Variants in LMCD1 observed in about 807,000 individuals in gnomAD.
LMCD1 encodes LIM and cysteine-rich domains protein 1.
LMCD1 carries 32 observed loss-of-function variants against 42.7 expected under a neutral mutation model. That is an observed-to-expected ratio of 0.75 (90% confidence interval 0.57 to 1.01). The LOEUF (loss-of-function observed/expected upper bound fraction) is 1.01. LMCD1 is among the 50% of genes least tolerant of loss of function. The pLI is 0.00. For missense variants in LMCD1, 458 were observed against 483.1 expected (o/e 0.95, Z 0.49); for synonymous variants, 178 against 184.9 (o/e 0.96, Z 0.30).
intron 1 of LMCD1, among the ~76,000 whole-genome samples, chr3:8,531,699 A>G (rs949766683): frequency 6.6e-6 from 1 of 152,138 alleles, no homozygotes; most frequent in Non-Finnish European, 1.5e-5. Flanking sequence ...TTCTCTCCAT[A>G]TCCCCCTAGC....
intron 4 of LMCD1, among the ~76,000 whole-genome samples, chr3:8,554,370 G>T (rs1694894471): frequency 6.6e-6 from 1 of 152,182 alleles, no homozygotes; most frequent in Non-Finnish European, 1.5e-5. Flanking sequence ...GCCTCGGCAG[G>T]GTGGGTCCGA....
chr3:8,550,948 A>T, intron 4 of LMCD1: 2 of 985,420 alleles, frequency 2.0e-6, no homozygotes, highest in African/African-American at 1.7e-5. Flanking sequence ...AAGGCAGCCC[A>T]AGAACCCGGG....
chr3:8,540,763 GTGTATCTCATGAAC>G (rs1193546820), intron 3 of LMCD1, among the ~76,000 whole-genome samples: 1 of 152,248 alleles, frequency 6.6e-6, no homozygotes, highest in Non-Finnish European at 1.5e-5. Context: ...GCATTTGTAT[GTGTATCTCATGAAC>G]ACCTCACCGC....
At chr3:8,549,992 A>G (rs910224571) in intron 4 of LMCD1, 44 of 1,477,190 alleles carry the variant, frequency 3.0e-5, no homozygotes, top group Non-Finnish European at 3.2e-5. Context: ...ACCTCTCAAT[A>G]CTGCCATGCA....
intron 1 of LMCD1, among the ~76,000 whole-genome samples, chr3:8,520,393 A>C (rs1385225785): frequency 6.6e-6 from 1 of 152,180 alleles, no homozygotes; most frequent in Admixed American, 6.5e-5. Flanking sequence ...AAGGGCAGAA[A>C]CCTAAGAACC....
At chr3:8,508,459 C>G (rs1347745304) in intron 1 of LMCD1, among the ~76,000 whole-genome samples, 5 of 152,198 alleles carry the variant, frequency 3.3e-5, no homozygotes, top group African/African-American at 7.2e-5. Flanking sequence ...TGTTTCAAAT[C>G]CACATGCTTT....
At chr3:8,519,826 G>T (rs1461877628) in intron 1 of LMCD1, among the ~76,000 whole-genome samples, 1 of 151,910 alleles carries the variant, frequency 6.6e-6, no homozygotes, top group Non-Finnish European at 1.5e-5. Context: ...CTTGCTGAAG[G>T]CACTACACTA....
rs777672586 is a variant in LMCD1 at position 8,548,903 on chromosome 3, C to T, written c.723C>T (p.Tyr241=). The change falls in exon 4 of 6, where the codon TAC becomes TAT. Residue 241 remains tyrosine, a splice_region_variant and synonymous_variant. Coordinates refer to ENST00000157600, the MANE Select transcript of LMCD1 (RefSeq NM_014583.4). Reference sequence around the variant, plus strand: ...GTGACCCGTCCAAAGAAGTGGAATACGTAAGTTTCTCCCATGCTTCCAGCC... The same window carrying T: ...GTGACCCGTCCAAAGAAGTGGAATATGTAAGTTTCTCCCATGCTTCCAGCC... ...SLSDPSKEVE[Y]VCELCKGAAP... 36 of 1,507,242 alleles carry T rather than the reference C, an allele frequency of 2.4e-5. No individual in the cohort carries two copies. Among genetic ancestry groups the T allele is most frequent in the Admixed American group, 4.3e-5 (2 of 46,406 alleles). 93.4% of individuals were successfully genotyped at this position (1,507,242 alleles called of 1,614,324 possible).
Position 8,501,843 on chromosome 3 carries a change from C to A in LMCD1, c.-96C>A, listed in dbSNP as rs563265240. The A allele has an allele frequency of 2.7e-6, 3 of 1,100,622 alleles. No homozygotes were observed. Among genetic ancestry groups the A allele is most frequent in the South Asian group, 1.5e-5 (1 of 68,910 alleles). 68.2% of individuals were successfully genotyped at this position (1,100,622 alleles called of 1,614,324 possible). A position where few individuals can be genotyped will look rare whatever the true frequency, so the allele number is the denominator to read the frequency against. On this transcript the variant is annotated 5_prime_UTR_variant, in exon 1 of 6. Transcript: ENST00000157600. ...GCTGCGCACAGAGCTCCCTCCCAGG[C>A]CCGCGAACTTGGCCATTCAGCCGCC...
chr3:8,526,708 G>T (rs1402734331), intron 1 of LMCD1, among the ~76,000 whole-genome samples: 1 of 152,192 alleles, frequency 6.6e-6, no homozygotes, highest in South Asian at 2.1e-4. Context: ...GCTGCTTAGA[G>T]ACCACACCTT....
chr3:8,567,254 A>G (rs945734733), intron 5 of LMCD1, among the ~76,000 whole-genome samples, 186 bp from the exon 6 acceptor site: 1 of 152,170 alleles, frequency 6.6e-6, no homozygotes, highest in Admixed American at 6.5e-5. Flanking sequence ...CTAAGATGCA[A>G]CCACAACCTT....
intron 4 of LMCD1, among the ~76,000 whole-genome samples, chr3:8,556,950 A>G (rs1011297544): frequency 6.6e-6 from 1 of 152,202 alleles, no homozygotes; most frequent in African/African-American, 2.4e-5. Context: ...GTCAGTTAAC[A>G]GTAGTGACCA....
At chr3:8,549,776 T>C in intron 4 of LMCD1, 1 of 701,648 alleles carries the variant, frequency 1.4e-6, no homozygotes. Flanking sequence ...AGGGACTTCT[T>C]CCTGGTGAGC....
Position 8,532,744 on chromosome 3 carries a change from T to G in LMCD1, c.50T>G (p.Leu17Arg), listed in dbSNP as rs757717642. Residue 17 changes from leucine to arginine, a missense_variant, in exon 2 of 6, where the codon CTG becomes CGG. Physicochemically the swap from Leu to Arg is moderately radical, Grantham distance 102. Coordinates refer to ENST00000157600, the MANE Select transcript of LMCD1 (RefSeq NM_014583.4). ...DLNPGVKKMS[L>R]GQLQSARGVA... ...TTTCTGTTCCTTTTCCAGATGTCCC[T>G]GGGCCAGCTGCAGTCAGCAAGAGGT... The G allele has an allele frequency of 7.4e-6, 12 of 1,613,800 alleles. No individual in the cohort carries two copies. The highest frequency in any genetic ancestry group is 9.3e-6 in the Non-Finnish European group (11 of 1,179,838).
intron 3 of LMCD1, 133 bp downstream of exon 3, chr3:8,537,573 T>G: frequency 6.0e-6 from 6 of 996,410 alleles, no homozygotes; most frequent in Non-Finnish European, 8.8e-6. Context: ...GGCTGTGGTT[T>G]TAGCCCTGCC....
chr3:8,556,403 AGTGTGTGTGTGTAT>A (rs1434687898), intron 4 of LMCD1, among the ~76,000 whole-genome samples: 3 of 150,142 alleles, frequency 2.0e-5, no homozygotes, highest in Non-Finnish European at 4.4e-5. Flanking sequence ...TTTTTTCAGG[AGTGTGTGTGTGTAT>A]GTGTGTGTGT....
chr3:8,524,487 G>C (rs1195213555), intron 1 of LMCD1, among the ~76,000 whole-genome samples: 1 of 152,212 alleles, frequency 6.6e-6, no homozygotes, highest in Non-Finnish European at 1.5e-5. Context: ...ACCAAAACCT[G>C]TGGGGCAGGC....
At chr3:8,525,075 A>T (rs34651751) in intron 1 of LMCD1, among the ~76,000 whole-genome samples, 65,515 of 152,050 alleles carry the variant, frequency 0.43, 14,964 homozygotes, top group Non-Finnish European at 0.51. Context: ...CCCTGTTAGC[A>T]AATTTCAAGT....
chr3:8,517,503 C>A (rs1291524162), intron 1 of LMCD1, among the ~76,000 whole-genome samples: 1 of 152,172 alleles, frequency 6.6e-6, no homozygotes, highest in Non-Finnish European at 1.5e-5. Context: ...TTTCAGTGTT[C>A]CAGAAGTTTG....
Sources: allele counts gnomAD v4.1 joint callset (sites outside exome capture counted in the v4.1 genomes callset), GRCh38; gene constraint gnomAD v4.1.1; transcripts MANE v1.5; gene names NCBI Gene and HGNC (gene_info 2026-07-23, HGNC 2026-07-21).